The following DENND1A variants were observed in gnomAD, a reference collection of about 807,000 sequenced individuals.
The protein encoded by DENND1A is DENN domain-containing protein 1A.
In DENND1A, 51 loss-of-function variants were observed where a neutral mutation model predicts 113.7. The ratio of observed to expected loss-of-function variants is 0.45; its 90% confidence interval spans 0.36 to 0.57. The LOEUF (loss-of-function observed/expected upper bound fraction) is 0.57, where lower values mean the gene tolerates loss of function less well. Among genes scored for constraint, DENND1A ranks in the 20% least tolerant of loss-of-function variants. DENND1A has a pLI of 0.00. For synonymous variants in DENND1A, 565 were observed against 570.8 expected, an observed-to-expected ratio of 0.99 and a Z score of 0.14; for missense variants, 1,258 against 1,395.9, an observed-to-expected ratio of 0.90 and a Z score of 1.57.
chr9:123,873,991 T>C (rs1011152133), intron 2 of DENND1A, among the ~76,000 whole-genome samples: 2 of 152,284 alleles, frequency 1.3e-5, no homozygotes, highest in South Asian at 4.1e-4. Flanking sequence ...TCCGCCCACC[T>C]TGACCTCTCA....
chr9:123,728,511 C>CAAAAA (rs2067918020), intron 5 of DENND1A, among the ~76,000 whole-genome samples: 1 of 26,578 alleles, frequency 3.8e-5, no homozygotes, highest in African/African-American at 1.9e-4. Context: ...AAAAAAAAAA[C>CAAAAA]AGGCATCAGT....
Position 123,504,119 on chromosome 9 carries a change from CA to C in DENND1A, c.994-46223del, listed in dbSNP as rs908796057. ...TCTCAGCCCACTTCCATGCTGCAAG[CA>C]CACAGAAATGATCATTTTGCCCCAG... On this transcript the variant is annotated intron_variant, in intron 13 of 23. Transcript: ENST00000394215. 1.1e-4 allele frequency among the ~76,000 whole-genome samples: 17 copies of C among 152,340 alleles called. No homozygotes were observed. The East Asian group carries it at 2.9e-3, about 26-fold the overall frequency.
At chr9:123,781,654 T>C (rs1448853880) in intron 3 of DENND1A, among the ~76,000 whole-genome samples, 2 of 152,214 alleles carry the variant, frequency 1.3e-5, no homozygotes, top group Admixed American at 1.3e-4. Flanking sequence ...TACTTTTTCA[T>C]TTTACAGATG....
intron 10 of DENND1A, among the ~76,000 whole-genome samples, chr9:123,613,600 T>A (rs1235275965): frequency 6.6e-6 from 1 of 152,262 alleles, no homozygotes; most frequent in Non-Finnish European, 1.5e-5. Context: ...CTTTTAGCAT[T>A]CACAGTGACT....
In DENND1A at chr9:123,435,599, T is replaced by A. The variant is rs556613598; in HGVS notation, c.1488+4761A>T. Among the ~76,000 whole-genome samples, 8 of 152,366 alleles carry A rather than the reference T, an allele frequency of 5.3e-5. No individual in the cohort carries two copies. The South Asian group carries it at 1.7e-3, about 32-fold the overall frequency. On this transcript the variant is annotated intron_variant, in intron 19 of 23. Coordinates refer to ENST00000394215, the MANE Select transcript of DENND1A (RefSeq NM_001352964.2). Reference sequence around the variant, plus strand: ...GATTGGAAGGCAGGCAACTACTTTGTTTGCAGATCAGTCATTTGGAGGAAA... The same window carrying A: ...GATTGGAAGGCAGGCAACTACTTTGATTGCAGATCAGTCATTTGGAGGAAA...
chr9:123,547,036 G>A (rs757463420), intron 13 of DENND1A, among the ~76,000 whole-genome samples: 1 of 152,144 alleles, frequency 6.6e-6, no homozygotes, highest in Non-Finnish European at 1.5e-5. Flanking sequence ...TAGAACAATG[G>A]TTCCCAGTTC....
At chr9:123,580,418 A>G (rs1158246952) in intron 12 of DENND1A, among the ~76,000 whole-genome samples, 1 of 152,218 alleles carries the variant, frequency 6.6e-6, no homozygotes, top group Non-Finnish European at 1.5e-5. Context: ...TGTAATTGAC[A>G]TATCTGTTTC....
At chr9:123,744,623 T>C (rs1191159997) in intron 5 of DENND1A, among the ~76,000 whole-genome samples, 1 of 152,142 alleles carries the variant, frequency 6.6e-6, no homozygotes, top group African/African-American at 2.4e-5. Flanking sequence ...CAAGCTAGCA[T>C]AACCTAGGCT....
intron 9 of DENND1A, among the ~76,000 whole-genome samples, chr9:123,632,545 C>T (rs369092515): frequency 6.6e-6 from 1 of 152,138 alleles, no homozygotes; most frequent in Non-Finnish European, 1.5e-5. Flanking sequence ...GGTCTCAGCT[C>T]TTTCTGCTCA....
chr9:123,844,739 T>C (rs1020507943), intron 2 of DENND1A, among the ~76,000 whole-genome samples: 2 of 152,134 alleles, frequency 1.3e-5, no homozygotes, highest in Non-Finnish European at 1.5e-5. Flanking sequence ...CATATGGAGA[T>C]GCAAGGGACC....
At chr9:123,669,105 T>A (rs781136072) in intron 7 of DENND1A, among the ~76,000 whole-genome samples, 2 of 152,202 alleles carry the variant, frequency 1.3e-5, no homozygotes, top group Non-Finnish European at 2.9e-5. Context: ...AATACAAAAT[T>A]ATTATTGCTG....
intron 2 of DENND1A, among the ~76,000 whole-genome samples, chr9:123,861,930 C>CAA (rs1245810895): frequency 3.3e-5 from 5 of 152,092 alleles, no homozygotes; most frequent in Non-Finnish European, 5.9e-5. Flanking sequence ...ATGCACAACA[C>CAA]AAAGAGGCTT....
intron 5 of DENND1A, among the ~76,000 whole-genome samples, chr9:123,705,570 C>A (rs534086531): frequency 6.4e-4 from 97 of 151,956 alleles, no homozygotes; most frequent in African/African-American, 2.2e-3. Flanking sequence ...ATTTATAGAA[C>A]CCGTAAAAAC....
chr9:123,876,124 A>G lies in DENND1A; in HGVS notation c.88+2827T>C, dbSNP rs1387180539. ...TTTGAGATACTTTTACCAAAAACCA[A>G]TAACCTGCATCTAATCATGAAGATC... On this transcript the variant is annotated intron_variant, in intron 2 of 23. Coordinates refer to ENST00000394215, the MANE Select transcript of DENND1A (RefSeq NM_001352964.2). Among the ~76,000 whole-genome samples, 6 of 152,248 alleles carry G rather than the reference A, an allele frequency of 3.9e-5. No homozygotes were observed. In the East Asian group the frequency reaches 1.2e-3, roughly 29 times the overall value.
At chr9:123,387,620 A>G in intron 22 of DENND1A, 110 bp downstream of exon 22, 1 of 1,203,064 alleles carries the variant, frequency 8.3e-7, no homozygotes, top group East Asian at 5.8e-5. Flanking sequence ...GCAGCTCCAG[A>G]CACCCTCCCC....
chr9:123,420,960 C>T (rs1333955783), intron 19 of DENND1A, among the ~76,000 whole-genome samples: 1 of 151,020 alleles, frequency 6.6e-6, no homozygotes, highest in East Asian at 2.0e-4. Context: ...CATTGGTGGC[C>T]GGAGGTCGGG....
chr9:123,918,368 C>G (rs946036755), intron 1 of DENND1A, among the ~76,000 whole-genome samples: 10 of 151,070 alleles, frequency 6.6e-5, no homozygotes, highest in East Asian at 3.9e-4. Flanking sequence ...GGCGCCTGTA[C>G]TCCCAGCTAC....
intron 1 of DENND1A, among the ~76,000 whole-genome samples, chr9:123,918,305 G>A (rs1005900728): frequency 4.0e-5 from 6 of 150,420 alleles, no homozygotes; most frequent in Non-Finnish European, 7.4e-5. Context: ...TGGCTAACAC[G>A]GTGAAACCCC....
intron 12 of DENND1A, among the ~76,000 whole-genome samples, chr9:123,581,836 A>G (rs2058913150): frequency 6.6e-6 from 1 of 152,142 alleles, no homozygotes; most frequent in African/African-American, 2.4e-5. Flanking sequence ...GGATAACTCT[A>G]TAGATCTTCT....
Sources: gnomAD v4.1 joint callset for allele counts (sites outside exome capture counted in the v4.1 genomes callset) on GRCh38, gnomAD v4.1.1 for gene constraint, MANE v1.5 for transcripts, NCBI Gene and HGNC (gene_info 2026-07-23, HGNC 2026-07-21) for gene names.